The following ANXA11 variants were observed in gnomAD, a reference collection of about 807,000 sequenced individuals.
ANXA11 encodes annexin A11.
In ANXA11, 57 loss-of-function variants were observed where a neutral mutation model predicts 64.7. That is an observed-to-expected ratio of 0.88 (90% CI 0.71 to 1.10). The LOEUF (loss-of-function observed/expected upper bound fraction) is 1.10. Ranked by LOEUF, ANXA11 falls within the 50% of genes least tolerant of loss-of-function variation. The probability of loss-of-function intolerance (pLI) is 0.00; values close to 1 mark genes in which losing one functional copy is unlikely to be tolerated. For synonymous variants in ANXA11, 260 were observed against 265.2 expected, an observed-to-expected ratio of 0.98 and a Z score of 0.19; for missense variants, 675 against 670.7, an observed-to-expected ratio of 1.01 and a Z score of -0.07.
At chr10:80,177,801 C>T (rs1411232927) in intron 1 of ANXA11, among the ~76,000 whole-genome samples, 2 of 152,128 alleles carry the variant, frequency 1.3e-5, no homozygotes, top group African/African-American at 4.8e-5. Context: ...TGCCTAATTA[C>T]CCCCAGGAGA....
chr10:80,160,590 C>A (rs1845465743), intron 12 of ANXA11, among the ~76,000 whole-genome samples: 1 of 152,144 alleles, frequency 6.6e-6, no homozygotes, highest in Non-Finnish European at 1.5e-5. Flanking sequence ...GCCTCCAGGA[C>A]CCCCTTCCTC....
At chr10:80,188,511 A>ATATATG (rs1554834982) in intron 1 of ANXA11, among the ~76,000 whole-genome samples, 3,493 of 126,290 alleles carry the variant, frequency 0.028, 245 homozygotes, top group African/African-American at 0.075. Flanking sequence ...ATATATATAT[A>ATATATG]GCACTACAAC....
At chr10:80,167,072 T>C in intron 6 of ANXA11, 88 bp from the exon 7 acceptor site, 1 of 1,324,934 alleles carries the variant, frequency 7.5e-7, no homozygotes, top group Non-Finnish European at 1.1e-6. Flanking sequence ...CCCTCAACTG[T>C]TCTGGGCATG....
chr10:80,169,386 G>A (rs1183978163), intron 4 of ANXA11, 28 bp from the exon 5 acceptor site: 1 of 1,599,674 alleles, frequency 6.3e-7, no homozygotes, highest in Non-Finnish European at 8.5e-7. Context: ...AGAGCCTGAG[G>A]CCAATGGGCC....
At chr10:80,157,502 G>T (rs990908996) in intron 15 of ANXA11, 139 bp downstream of exon 15, 1 of 1,479,610 alleles carries the variant, frequency 6.8e-7, no homozygotes, top group Non-Finnish European at 9.0e-7. Context: ...AGGGCAAGGG[G>T]ATGAACAAGT....
intron 1 of ANXA11, among the ~76,000 whole-genome samples, chr10:80,188,965 G>C (rs558922815): frequency 3.2e-4 from 49 of 152,236 alleles, no homozygotes; most frequent in African/African-American, 1.1e-3. Flanking sequence ...GGTAAGGGGA[G>C]GGGTAGAGGG....
At chr10:80,201,428 T>C (rs1840416835) in intron 1 of ANXA11, among the ~76,000 whole-genome samples, 1 of 152,168 alleles carries the variant, frequency 6.6e-6, no homozygotes, top group Admixed American at 6.5e-5. Context: ...CAAATGTCTG[T>C]CTAGCCAAGA....
At chr10:80,186,429 G>A (rs1846541496) in intron 1 of ANXA11, among the ~76,000 whole-genome samples, 1 of 152,136 alleles carries the variant, frequency 6.6e-6, no homozygotes, top group African/African-American at 2.4e-5. Context: ...AGCACCAACA[G>A]GAAATTGGCG....
Position 80,157,947 on chromosome 10 carries a change from T to G in ANXA11, c.1335+20A>C. On this transcript the variant is annotated intron_variant, in intron 14 of 15. Coordinates refer to ENST00000422982, the MANE Select transcript of ANXA11 (RefSeq NM_145868.2). ...GCGAGGCTAAGGTTCCATCGCAACC[T>G]GCACATGGAAGTTACATACCCTCAT... The G allele has an allele frequency of 6.2e-7, 1 of 1,613,202 alleles. No individual in the cohort carries two copies. Among genetic ancestry groups the G allele is most frequent in the Non-Finnish European group, 8.5e-7 (1 of 1,179,178 alleles).
intron 1 of ANXA11, chr10:80,181,050 T>C (rs1846337028): frequency 6.6e-6 from 1 of 152,242 alleles, no homozygotes; most frequent in Non-Finnish European, 1.5e-5. Flanking sequence ...CTACTATTGC[T>C]TATAAATTAC....
Position 80,161,997 on chromosome 10 carries a change from C to G in ANXA11, c.1118G>C (p.Gly373Ala). Residue 373 changes from glycine (G) to alanine (A), a missense_variant, in exon 12 of 16, where the codon GGA (glycine) becomes GCA (alanine). Coordinates refer to ENST00000422982, the MANE Select transcript of ANXA11 (RefSeq NM_145868.2). ...ELYAAGENRL[G>A]TDESKFNAVL... ...CGCATTGAACTTGGACTCGTCTGTT[C>G]CCAGGCGGTTCTCCCCGGCCGCATA... 1 of 1,612,242 alleles carries G rather than the reference C, an allele frequency of 6.2e-7. No homozygotes were observed. Among genetic ancestry groups the G allele is most frequent in the Non-Finnish European group, 8.5e-7 (1 of 1,179,810 alleles).
chr10:80,170,405 C>A (rs1589429339), intron 4 of ANXA11, among the ~76,000 whole-genome samples: 1 of 152,186 alleles, frequency 6.6e-6, no homozygotes, highest in Non-Finnish European at 1.5e-5. Flanking sequence ...CTGCCACACA[C>A]CCACCAAGGC....
At chr10:80,159,005 G>A (rs536604053) in intron 13 of ANXA11, 95 bp downstream of exon 13, 16 of 896,924 alleles carry the variant, frequency 1.8e-5, no homozygotes, top group East Asian at 9.7e-5. Context: ...GTCCCTTCAC[G>A]GTGTCACCCA....
chr10:80,159,606 T>G (rs1845425940), intron 12 of ANXA11, among the ~76,000 whole-genome samples: 1 of 152,158 alleles, frequency 6.6e-6, no homozygotes, highest in Non-Finnish European at 1.5e-5. Context: ...AGGACTCACA[T>G]GAGGTGGCCT....
At chr10:80,172,943 A>G (rs931079391) in intron 2 of ANXA11, 74 bp from the exon 3 acceptor site, 1 of 1,358,394 alleles carries the variant, frequency 7.4e-7, no homozygotes, top group Middle Eastern at 1.8e-4. Context: ...CAGCTTCTTG[A>G]AAGGGCAGCC....
intron 1 of ANXA11, among the ~76,000 whole-genome samples, chr10:80,191,651 G>A (rs555959396): frequency 2.2e-4 from 33 of 152,068 alleles, no homozygotes; most frequent in South Asian, 6.2e-4. Context: ...CCCATGTGTC[G>A]GGAACAGGCT....
chr10:80,191,266 G>A (rs1729336506), intron 1 of ANXA11, among the ~76,000 whole-genome samples: 1 of 152,034 alleles, frequency 6.6e-6, no homozygotes, highest in Admixed American at 6.5e-5. Flanking sequence ...AGCCAGGCAT[G>A]GTGGCACGTG....
chr10:80,193,194 A>G (rs989053915), intron 1 of ANXA11, among the ~76,000 whole-genome samples: 3 of 152,230 alleles, frequency 2.0e-5, no homozygotes, highest in Admixed American at 6.5e-5. Flanking sequence ...TTACTTGCAC[A>G]GCATCGAACA....
At chr10:80,179,831 G>A (rs886343929) in intron 1 of ANXA11, among the ~76,000 whole-genome samples, 1 of 152,188 alleles carries the variant, frequency 6.6e-6, no homozygotes, top group Middle Eastern at 3.2e-3. Flanking sequence ...CTTCCATCCA[G>A]CCTGCTGCCA....
Sources: allele counts gnomAD v4.1 joint callset (sites outside exome capture counted in the v4.1 genomes callset), GRCh38; gene constraint gnomAD v4.1.1; transcripts MANE v1.5; gene names NCBI Gene and HGNC (gene_info 2026-07-23, HGNC 2026-07-21).